B3GAT2: variants seen among roughly 807,000 people sequenced by gnomAD.
B3GAT2 encodes the protein galactosylgalactosylxylosylprotein 3-beta-glucuronosyltransferase 2.
Under a neutral mutation model 27.8 loss-of-function variants are expected in B3GAT2, and 26 were observed. That is an observed-to-expected ratio of 0.93 (90% CI 0.68 to 1.30). The LOEUF (loss-of-function observed/expected upper bound fraction) is 1.30, where lower values mean the gene tolerates loss of function less well. B3GAT2 is among the 50% of genes most tolerant of loss of function. B3GAT2 has a pLI of 0.00. For missense variants in B3GAT2, 458 were observed against 459.0 expected (o/e 1.00, Z 0.02); for synonymous variants, 218 against 195.1 (o/e 1.12, Z -0.98).
chr6:70,900,043 A>G lies in B3GAT2; in HGVS notation c.592-5771T>C, dbSNP rs1331799226. ...ATGATAAAGGGGCAGCAATTCATGT[A>G]TTTATAGGAGTTATAATATTACAAA... On this transcript the variant is annotated intron_variant, in intron 1 of 3. Transcript: ENST00000230053. 5.3e-5 allele frequency among the ~76,000 whole-genome samples: 8 copies of G among 152,352 alleles called. 1 individual carries two copies. The highest frequency in any genetic ancestry group is 5.2e-4 in the Admixed American group (8 of 15,304).
chr6:70,873,348 C>CT (rs1275507648), intron 2 of B3GAT2, among the ~76,000 whole-genome samples: 5 of 143,658 alleles, frequency 3.5e-5, no homozygotes, highest in East Asian at 2.0e-4. Context: ...GTTGATCTTT[C>CT]TTTTTTTCCT....
chr6:70,951,907 C>T (rs1253201431), intron 1 of B3GAT2, among the ~76,000 whole-genome samples: 2 of 152,006 alleles, frequency 1.3e-5, no homozygotes. Context: ...GGTTCCTTCA[C>T]TTTAAAAAGA....
intron 1 of B3GAT2, among the ~76,000 whole-genome samples, chr6:70,932,871 A>T (rs746566032): frequency 2.0e-5 from 3 of 152,132 alleles, no homozygotes; most frequent in Non-Finnish European, 4.4e-5. Context: ...GTGCAATCAT[A>T]GAGCACCACA....
intron 2 of B3GAT2, among the ~76,000 whole-genome samples, chr6:70,890,385 C>G (rs1027010919): frequency 3.9e-5 from 6 of 152,128 alleles, no homozygotes; most frequent in African/African-American, 1.4e-4. Context: ...GGACTCCAGA[C>G]CAGAAAACTA....
intron 1 of B3GAT2, among the ~76,000 whole-genome samples, chr6:70,920,106 G>A (rs1252094451): frequency 6.6e-6 from 1 of 151,582 alleles, no homozygotes; most frequent in African/African-American, 2.4e-5. Context: ...GCATAGAACC[G>A]CTTACTCAAG....
chr6:70,926,626 C>A (rs1772964806), intron 1 of B3GAT2, among the ~76,000 whole-genome samples: 4 of 151,986 alleles, frequency 2.6e-5, no homozygotes, highest in Admixed American at 2.6e-4. Flanking sequence ...AGTTTAGAGA[C>A]AAAAGAGTAA....
intron 1 of B3GAT2, among the ~76,000 whole-genome samples, chr6:70,935,976 A>T (rs1196634318): frequency 6.6e-6 from 1 of 151,796 alleles, no homozygotes; most frequent in Non-Finnish European, 1.5e-5. Context: ...TAAAGAGTCA[A>T]GACCCATCAG....
intron 1 of B3GAT2, among the ~76,000 whole-genome samples, chr6:70,930,830 C>T (rs946598706): frequency 1.3e-5 from 2 of 152,176 alleles, no homozygotes; most frequent in African/African-American, 4.8e-5. Context: ...CATCCCATTA[C>T]TGGTTATATA....
intron 1 of B3GAT2, among the ~76,000 whole-genome samples, chr6:70,917,738 T>A (rs1772797676): frequency 6.6e-6 from 1 of 152,242 alleles, no homozygotes; most frequent in African/African-American, 2.4e-5. Context: ...GAGTTCTAAT[T>A]TGATTGCATT....
chr6:70,954,852 A>ACG (rs1314335004), intron 1 of B3GAT2, among the ~76,000 whole-genome samples: 6 of 133,692 alleles, frequency 4.5e-5, no homozygotes, highest in Admixed American at 7.9e-5. Context: ...ACACACACAC[A>ACG]CACCGCAAGA....
rs1225361067 is a variant in B3GAT2 at position 70,860,248 on chromosome 6, G to T, written c.*1415C>A. 6.2e-7 allele frequency: 1 copy of T among 1,613,600 alleles called. No homozygotes were observed. The highest frequency in any genetic ancestry group is 1.7e-5 in the Admixed American group (1 of 59,860). On this transcript the variant is annotated 3_prime_UTR_variant, in exon 4 of 4. Transcript: ENST00000230053. ...GAGTATCAGTAGTGCAACCCCTACT[G>T]CAGGTTTTGGCCAGCCCTCCAGCAC...
chr6:70,937,406 G>A (rs1402733538), intron 1 of B3GAT2, among the ~76,000 whole-genome samples: 1 of 151,828 alleles, frequency 6.6e-6, no homozygotes, highest in Admixed American at 6.6e-5. Flanking sequence ...ATTTTATGAG[G>A]CCAGCATCAT....
intron 2 of B3GAT2, among the ~76,000 whole-genome samples, chr6:70,864,934 G>A (rs1157164042): frequency 6.6e-6 from 1 of 151,494 alleles, no homozygotes; most frequent in African/African-American, 2.4e-5. Context: ...CTGGTCAGCT[G>A]AGTAAAAAAA....
chr6:70,897,774 T>C (rs756646651), intron 1 of B3GAT2, among the ~76,000 whole-genome samples: 6 of 151,970 alleles, frequency 3.9e-5, no homozygotes, highest in Non-Finnish European at 8.8e-5. Flanking sequence ...CTATGATCCA[T>C]TTTCAGTTAA....
intron 1 of B3GAT2, among the ~76,000 whole-genome samples, chr6:70,921,738 T>C (rs959874834): frequency 2.6e-5 from 4 of 152,228 alleles, no homozygotes; most frequent in African/African-American, 7.2e-5. Context: ...CCTTTAATCT[T>C]TGAAGTTGCT....
chr6:70,907,397 A>G (rs1185319528), intron 1 of B3GAT2, among the ~76,000 whole-genome samples: 1 of 152,204 alleles, frequency 6.6e-6, no homozygotes, highest in African/African-American at 2.4e-5. Flanking sequence ...CAAAGCTGAC[A>G]TTGTGAGGAC....
chr6:70,878,975 T>C (rs779341819), intron 2 of B3GAT2, among the ~76,000 whole-genome samples: 1 of 152,210 alleles, frequency 6.6e-6, no homozygotes, highest in African/African-American at 2.4e-5. Flanking sequence ...CCAACGTTTT[T>C]ATTTGAAAAC....
In B3GAT2 at chr6:70,939,383, C is replaced by T. The variant is rs1765349727; in HGVS notation, c.591+16456G>A. On this transcript the variant is annotated intron_variant, in intron 1 of 3. Transcript: ENST00000230053. ...AACTAGAAATACCATTTGATCCAGC[C>T]ATCCCATTACTGGGTATATACCCAA... 4.0e-5 allele frequency among the ~76,000 whole-genome samples: 6 copies of T among 150,204 alleles called. No individual in the cohort carries two copies. In the South Asian group the frequency reaches 1.3e-3, roughly 33 times the overall value.
At chr6:70,897,665 AAAAAAAT>A (rs1249694318) in intron 1 of B3GAT2, among the ~76,000 whole-genome samples, 2 of 80,100 alleles carry the variant, frequency 2.5e-5, no homozygotes, top group African/African-American at 1.0e-4. Flanking sequence ...CTTGAAAAAA[AAAAAAAT>A]ATATATATAT....
Sources: gnomAD v4.1 joint callset for allele counts (sites outside exome capture counted in the v4.1 genomes callset) on GRCh38, gnomAD v4.1.1 for gene constraint, MANE v1.5 for transcripts, NCBI Gene and HGNC (gene_info 2026-07-23, HGNC 2026-07-21) for gene names.